Variants in SPATA6L observed in about 807,000 individuals in gnomAD.
SPATA6L encodes spermatogenesis associated 6 like.
Under a neutral mutation model 49.2 loss-of-function variants are expected in SPATA6L, and 68 were observed. The observed-to-expected ratio is 1.38, with a 90% CI of 1.14 to 1.69. The LOEUF (loss-of-function observed/expected upper bound fraction) is 1.69, where lower values mean the gene tolerates loss of function less well. Ranked by LOEUF, SPATA6L falls within the 40% of genes most tolerant of loss-of-function variation. SPATA6L has a pLI of 0.00. For missense variants in SPATA6L, 668 were observed against 464.3 expected (o/e 1.44, Z -4.03); for synonymous variants, 198 against 165.7 (o/e 1.19, Z -1.50).
chr9:4,652,175 C>T (rs1837044503), intron 3 of SPATA6L, among the ~76,000 whole-genome samples: 2 of 152,196 alleles, frequency 1.3e-5, no homozygotes, highest in East Asian at 1.9e-4. Context: ...AATCCCAGCA[C>T]TTTCGGAGGC....
At chr9:4,664,676 A>C (rs1405017843) in intron 1 of SPATA6L, 1 of 167,110 alleles carries the variant, frequency 6.0e-6, no homozygotes, top group Admixed American at 6.5e-5. Context: ...AATCTTAATG[A>C]CTATTTTGGC....
At chr9:4,615,285 A>G (rs1827710461) in intron 9 of SPATA6L, among the ~76,000 whole-genome samples, 2 of 152,020 alleles carry the variant, frequency 1.3e-5, no homozygotes, top group South Asian at 2.1e-4. Context: ...TTTTTTTTAT[A>G]TCCTCTGCTA....
rs577074042 is a variant in SPATA6L at position 4,661,729 on chromosome 9, T to G, written c.177+170A>C. 4.6e-5 allele frequency among the ~76,000 whole-genome samples: 4 copies of G among 86,890 alleles called. No homozygotes were observed. In the East Asian group the frequency reaches 1.4e-3, roughly 30 times the overall value. The allele number at this position is 86,890 out of a possible 152,430, so 57.0% of individuals were successfully genotyped here. A position where few individuals can be genotyped will look rare whatever the true frequency, so the allele number is the denominator to read the frequency against. ...AGATTGACAGAACTTGGCTCAGACCTGCATTACAAAAGCAAGTGTTCCGAC... is the reference window on the plus strand; with the variant it reads ...AGATTGACAGAACTTGGCTCAGACCGGCATTACAAAAGCAAGTGTTCCGAC... On this transcript the variant is annotated intron_variant, in intron 2 of 11. Transcript: ENST00000682582.
At chr9:4,597,319 TACACACAC>T (rs57570250), downstream of SPATA6L, among the ~76,000 whole-genome samples, 4,745 of 143,910 alleles carry the variant, frequency 0.033, 166 homozygotes, top group African/African-American at 0.083. Context: ...GAAAACAAAA[TACACACAC>T]ACACACACAC....
At chr9:4,617,824 G>T in intron 9 of SPATA6L, 99 bp downstream of exon 9, 1 of 1,031,924 alleles carries the variant, frequency 9.7e-7, no homozygotes. Context: ...GTCACCAGCT[G>T]AATATTCCTA....
At position 4,643,020 on chromosome 9, in the gene SPATA6L, T is replaced by C. The variant is rs567327980; in HGVS notation, c.227-7621A>G. On this transcript the variant is annotated intron_variant, in intron 3 of 11. Transcript: ENST00000682582. Reference sequence around the variant, plus strand: ...GATAAAATATATTTTTATCTATTTATTTATTTAGATGGAGTCTGGCTCTGT... The same window carrying C: ...GATAAAATATATTTTTATCTATTTACTTATTTAGATGGAGTCTGGCTCTGT... Among the ~76,000 whole-genome samples, 4 of 152,330 alleles carry C rather than the reference T, an allele frequency of 2.6e-5. No individual in the cohort carries two copies. In the South Asian group the frequency reaches 8.3e-4, roughly 32 times the overall value.
At chr9:4,592,989 T>C (rs1209063959) in intron 13 of SPATA6L, among the ~76,000 whole-genome samples, 1 of 152,184 alleles carries the variant, frequency 6.6e-6, no homozygotes, top group Non-Finnish European at 1.5e-5. Context: ...GCTGAGATTG[T>C]ACTAAATATT....
chr9:4,630,526 C>A (rs1831302763), intron 4 of SPATA6L, among the ~76,000 whole-genome samples: 1 of 152,180 alleles, frequency 6.6e-6, no homozygotes, highest in Non-Finnish European at 1.5e-5. Flanking sequence ...ACTTCTTGCC[C>A]TGAGGGCATC....
At chr9:4,618,824 T>C (rs1164792546) in intron 8 of SPATA6L, 40 bp downstream of exon 8, 9 of 1,572,712 alleles carry the variant, frequency 5.7e-6, no homozygotes, top group African/African-American at 1.4e-5. Flanking sequence ...ATAAGATATC[T>C]GGAAGTAAAT....
chr9:4,601,420 C>T lies in SPATA6L; in HGVS notation c.*2-611G>A, dbSNP rs575915389. 2.7e-5 allele frequency among the ~76,000 whole-genome samples: 4 copies of T among 147,766 alleles called. No homozygotes were observed. In the East Asian group the frequency reaches 8.0e-4, roughly 30 times the overall value. On this transcript the variant is annotated intron_variant, in intron 11 of 11. Transcript: ENST00000682582. ...TGTTTGGTTTTTGTGTGGTAAAATT[C>T]ACCAATTTTAAATATACAAGGGATA...
In SPATA6L at chr9:4,604,171, G is replaced by A; in HGVS notation, c.*1+8C>T. 1 of 1,595,566 alleles carries A rather than the reference G, an allele frequency of 6.3e-7. No individual in the cohort carries two copies. On this transcript the variant is annotated splice_region_variant and intron_variant, in intron 11 of 11. Transcript: ENST00000682582. ...GCACTTAAGCTGCTTACTTACATAAGACAGTACCTTAAAAATATCTCTGTT... is the reference window on the plus strand; with the variant it reads ...GCACTTAAGCTGCTTACTTACATAAAACAGTACCTTAAAAATATCTCTGTT...
chr9:4,604,716 G>C (rs755111466), intron 10 of SPATA6L, among the ~76,000 whole-genome samples: 1 of 152,196 alleles, frequency 6.6e-6, no homozygotes, highest in African/African-American at 2.4e-5. Context: ...TATATAATAA[G>C]TCAAGAGGAC....
rs140127644 is a variant in SPATA6L, at chr9:4,644,870, C to A, written c.227-9471G>T. On this transcript the variant is annotated intron_variant, in intron 3 of 11. Transcript: ENST00000682582. ...GACACACTGCATAGCAAAAGTACCACAGAACAGCTTCCTCCTAGAATCTCA... is the reference window on the plus strand; with the variant it reads ...GACACACTGCATAGCAAAAGTACCAAAGAACAGCTTCCTCCTAGAATCTCA... Among the ~76,000 whole-genome samples, 594 of 152,338 alleles carry A rather than the reference C, an allele frequency of 3.9e-3. 2 individuals are homozygous for A. The highest frequency in any genetic ancestry group is 6.9e-3 in the Non-Finnish European group (468 of 68,034).
At chr9:4,626,754 C>T (rs1830425787) in intron 5 of SPATA6L, 11 of 334,020 alleles carry the variant, frequency 3.3e-5, no homozygotes, top group South Asian at 3.0e-4. Context: ...AATGAATGGC[C>T]AGACAGATTA....
At chr9:4,589,346 C>T (rs900993031) in intron 13 of SPATA6L, among the ~76,000 whole-genome samples, 10 of 152,054 alleles carry the variant, frequency 6.6e-5, no homozygotes, top group Non-Finnish European at 1.5e-4. Flanking sequence ...TGGGGTAATC[C>T]GTAGGGATGC....
intron 3 of SPATA6L, chr9:4,646,549 T>G: frequency 6.8e-7 from 1 of 1,460,592 alleles, no homozygotes; most frequent in East Asian, 2.6e-5. Flanking sequence ...AAAAATGAGA[T>G]TTTAATACTT....
intron 9 of SPATA6L, among the ~76,000 whole-genome samples, chr9:4,615,321 G>A (rs991191794): frequency 1.2e-4 from 19 of 152,128 alleles, no homozygotes; most frequent in Admixed American, 2.0e-4. Context: ...GAGATCAGGA[G>A]AAATGTCTTA....
chr9:4,666,005 A>T (rs1482238176), intron 1 of SPATA6L, among the ~76,000 whole-genome samples: 1 of 152,176 alleles, frequency 6.6e-6, no homozygotes, highest in East Asian at 1.9e-4. Flanking sequence ...ACAGAAAAAA[A>T]AAAAAGTGGG....
chr9:4,612,568 T>C (rs1036639177), intron 9 of SPATA6L, among the ~76,000 whole-genome samples: 1 of 152,214 alleles, frequency 6.6e-6, no homozygotes, highest in Non-Finnish European at 1.5e-5. Flanking sequence ...GCTGCTCTGT[T>C]ATACGGACTT....
Sources: gnomAD v4.1 joint callset for allele counts (sites outside exome capture counted in the v4.1 genomes callset) on GRCh38, gnomAD v4.1.1 for gene constraint, MANE v1.5 for transcripts, NCBI Gene and HGNC (gene_info 2026-07-23, HGNC 2026-07-21) for gene names.